TNIK: variants seen among roughly 807,000 people sequenced by gnomAD.
TNIK encodes the protein TRAF2 and NCK interacting kinase, also known as TRAF2 and NCK-interacting protein kinase.
TNIK carries 49 observed loss-of-function variants against 191.3 expected under a neutral mutation model. The ratio of observed to expected loss-of-function variants is 0.26; its 90% CI spans 0.20 to 0.32. The LOEUF (loss-of-function observed/expected upper bound fraction) is 0.32, where lower values mean the gene tolerates loss of function less well. TNIK is among the 10% of genes least tolerant of loss of function. TNIK has a pLI of 1.00. For synonymous variants in TNIK, 594 were observed against 600.9 expected (o/e 0.99, Z 0.17); for missense variants, 1,155 against 1,702.3 (o/e 0.68, Z 5.66).
chr3:171,276,257 C>G (rs1347304043), intron 2 of TNIK, among the ~76,000 whole-genome samples: 1 of 152,140 alleles, frequency 6.6e-6, no homozygotes, highest in African/African-American at 2.4e-5. Context: ...AAGATATGTA[C>G]AACCAAAATG....
At chr3:171,408,864 G>T (rs1577825963) in intron 1 of TNIK, among the ~76,000 whole-genome samples, 1 of 152,260 alleles carries the variant, frequency 6.6e-6, no homozygotes, top group Non-Finnish European at 1.5e-5. Context: ...AAATCGCTAT[G>T]CAAATGTTAG....
At position 171,159,530 on chromosome 3, in the gene TNIK, T is replaced by C. The variant is rs1431879736; in HGVS notation, c.1016+1740A>G. Among the ~76,000 whole-genome samples the C allele has an allele frequency of 6.6e-6, 1 of 152,130 alleles. No individual in the cohort carries two copies. The highest frequency in any genetic ancestry group is 1.5e-5 in the Non-Finnish European group (1 of 68,030). On this transcript the variant is annotated intron_variant, in intron 11 of 32. Transcript: ENST00000436636. The surrounding 1 kb of genome is among the most constrained non-coding windows in gnomAD (Gnocchi z 4.1). ...AACTTAGAGCCTTTGTGTCAAACTC[T>C]AAAACCCCAAACGATGGTGCTTATC...
intron 1 of TNIK, among the ~76,000 whole-genome samples, chr3:171,435,712 G>A (rs960986453): frequency 3.3e-5 from 5 of 152,050 alleles, no homozygotes; most frequent in African/African-American, 1.2e-4. Flanking sequence ...AGAAATAAGG[G>A]GGCTTACATA....
At chr3:171,106,316 T>G (rs1262836890) in intron 21 of TNIK, among the ~76,000 whole-genome samples, 1 of 152,180 alleles carries the variant, frequency 6.6e-6, no homozygotes, top group African/African-American at 2.4e-5. Flanking sequence ...ATTTTATGGA[T>G]GAGGAAACTC....
At chr3:171,230,684 C>G (rs1196333721) in intron 2 of TNIK, among the ~76,000 whole-genome samples, 2 of 152,192 alleles carry the variant, frequency 1.3e-5, no homozygotes, top group African/African-American at 4.8e-5. Context: ...AACTTACTCT[C>G]TCTTTCCAGA....
In TNIK at chr3:171,460,161, G is replaced by T; in HGVS notation, c.-98C>A. On this transcript the variant is annotated 5_prime_UTR_variant, in exon 1 of 33. Transcript: ENST00000436636. This position sits in a 1 kb window ranked among gnomAD's most constrained non-coding sequence, Gnocchi z 6.8. ...ATTTCACTCGCGTCCTCATGCGGGT[G>T]TCGCGCCAGAGGCCCCGGGCCCAGC... 6.8e-7 allele frequency: 1 copy of T among 1,480,066 alleles called. No homozygotes were observed. The allele number at this position is 1,480,066 out of a possible 1,614,324, so 91.7% of individuals were successfully genotyped here.
intron 22 of TNIK, 106 bp from the exon 23 acceptor site, chr3:171,094,074 A>G (rs544751402): frequency 7.3e-7 from 1 of 1,365,312 alleles, no homozygotes; most frequent in East Asian, 2.7e-5. Context: ...TATTAATAAC[A>G]TAAAATTTAC....
chr3:171,270,347 GTAC>G (rs1262748781), intron 2 of TNIK, among the ~76,000 whole-genome samples: 2 of 152,136 alleles, frequency 1.3e-5, no homozygotes, highest in Non-Finnish European at 2.9e-5. Flanking sequence ...CTAGAAGACA[GTAC>G]TACATCTTCC....
chr3:171,138,387 G>C lies in TNIK; in HGVS notation c.1420-8C>G. On this transcript the variant is annotated splice_region_variant and splice_polypyrimidine_tract_variant and intron_variant, in intron 14 of 32. Coordinates refer to ENST00000436636, the MANE Select transcript of TNIK (RefSeq NM_015028.4). Reference sequence around the variant, plus strand: ...TTGTTTGCGCTTATATTCCTGTCCAGATCAGGAAAGAGGAGCAAAGAAAAG... The same window carrying C: ...TTGTTTGCGCTTATATTCCTGTCCACATCAGGAAAGAGGAGCAAAGAAAAG... 1.9e-6 allele frequency: 3 copies of C among 1,549,626 alleles called. No individual in the cohort carries two copies. The highest frequency in any genetic ancestry group is 2.6e-6 in the Non-Finnish European group (3 of 1,150,382).
intron 1 of TNIK, among the ~76,000 whole-genome samples, chr3:171,413,566 C>CT (rs1722670027): frequency 1.3e-5 from 2 of 152,188 alleles, no homozygotes; most frequent in Non-Finnish European, 2.9e-5. Flanking sequence ...TAAGACCCTG[C>CT]TAAAGGACCT....
intron 2 of TNIK, among the ~76,000 whole-genome samples, chr3:171,340,322 T>C (rs779988868): frequency 2.6e-5 from 4 of 152,230 alleles, no homozygotes; most frequent in Non-Finnish European, 4.4e-5. Context: ...GTAAATAAAA[T>C]GAGTGTAGTA....
intron 2 of TNIK, among the ~76,000 whole-genome samples, chr3:171,295,222 G>A (rs1051667337): frequency 3.3e-5 from 5 of 152,188 alleles, no homozygotes; most frequent in Admixed American, 3.3e-4. Flanking sequence ...TTAGGTAACT[G>A]CCCTAAGATT....
intron 1 of TNIK, among the ~76,000 whole-genome samples, chr3:171,388,724 T>A (rs886593125): frequency 1.3e-5 from 2 of 152,226 alleles, no homozygotes; most frequent in African/African-American, 4.8e-5. Context: ...GTAAGCATCG[T>A]GTACACAAAG....
chr3:171,144,948 TA>T (rs1731334325), intron 12 of TNIK, among the ~76,000 whole-genome samples: 1 of 152,230 alleles, frequency 6.6e-6, no homozygotes, highest in South Asian at 2.1e-4. Context: ...CTCACTTTTT[TA>T]TGGATGAATA....
intron 1 of TNIK, among the ~76,000 whole-genome samples, chr3:171,437,248 A>G (rs892296663): frequency 6.6e-6 from 1 of 152,232 alleles, no homozygotes; most frequent in Non-Finnish European, 1.5e-5. Context: ...GGAGGTACAC[A>G]GTAGAGAACG....
rs932517237 is a variant in TNIK, at chr3:171,071,472, T to A, written c.3449-149A>T. 5 of 660,778 alleles carry A rather than the reference T, an allele frequency of 7.6e-6. No homozygotes were observed. In the African/African-American group the frequency reaches 9.2e-5, roughly 12 times the overall value. 40.9% of individuals were successfully genotyped at this position (660,778 alleles called of 1,614,324 possible). ...GAAGGTGATATTCCTGGTGTGGGAT[T>A]TTTTCATAGATACTGATTTAGCTTC... On this transcript the variant is annotated intron_variant, in intron 28 of 32. Coordinates refer to ENST00000436636, the MANE Select transcript of TNIK (RefSeq NM_015028.4).
At chr3:171,432,008 A>T (rs977364336) in intron 1 of TNIK, among the ~76,000 whole-genome samples, 1 of 152,244 alleles carries the variant, frequency 6.6e-6, no homozygotes, top group Non-Finnish European at 1.5e-5. Context: ...AACATGCAAA[A>T]CGTAATATAT....
intron 3 of TNIK, among the ~76,000 whole-genome samples, chr3:171,221,642 GCACT>G (rs1171119698): frequency 1.3e-5 from 2 of 152,120 alleles, no homozygotes; most frequent in African/African-American, 4.8e-5. Context: ...GTAGCACAGT[GCACT>G]CATTCATTCT....
At position 171,062,124 on chromosome 3, in the gene TNIK, A is replaced by G. The variant is rs1194285974; in HGVS notation, c.*1757T>C. ...TGTATTTCGTTCTCATTAATAGTAC[A>G]TCAGCTGCTTGTGTATTTAGGCAAA... On this transcript the variant is annotated 3_prime_UTR_variant, in exon 33 of 33. Coordinates refer to ENST00000436636, the MANE Select transcript of TNIK (RefSeq NM_015028.4). The G allele has an allele frequency of 6.6e-6, 1 of 152,146 alleles. No homozygotes were observed. The highest frequency in any genetic ancestry group is 1.5e-5 in the Non-Finnish European group (1 of 68,038). The allele number at this position is 152,146 out of a possible 1,614,324, so 9.4% of individuals were successfully genotyped here.
Sources: gnomAD v4.1 joint callset for allele counts (sites outside exome capture counted in the v4.1 genomes callset) on GRCh38, gnomAD v4.1.1 for gene constraint, Gnocchi (gnomAD v3.1) non-coding constraint, MANE v1.5 for transcripts, NCBI Gene and HGNC (gene_info 2026-07-23, HGNC 2026-07-21) for gene names.